The following CR2 variants were observed in gnomAD, a reference collection of about 807,000 sequenced individuals.
CR2 encodes complement C3d receptor 2, also known as complement receptor type 2.
In CR2, 96 loss-of-function variants were observed where a neutral mutation model predicts 123.0. That is an observed-to-expected ratio of 0.78 (90% CI 0.66 to 0.93). The LOEUF is 0.93. Among genes scored for constraint, CR2 ranks in the 40% least tolerant of loss-of-function variants. CR2 has a pLI of 0.00. For synonymous variants in CR2, 484 were observed against 469.5 expected (o/e 1.03, Z -0.40); for missense variants, 1,258 against 1,361.0 (o/e 0.92, Z 1.19).
intron 1 of CR2, among the ~76,000 whole-genome samples, chr1:207,460,445 G>C (rs1392285000): frequency 6.6e-6 from 1 of 152,166 alleles, no homozygotes; most frequent in Admixed American, 6.5e-5. Flanking sequence ...CCTTGTGTCA[G>C]TTCATCCATG....
chr1:207,479,642 T>G (rs1475445), intron 17 of CR2, among the ~76,000 whole-genome samples: 4,874 of 152,324 alleles, frequency 0.032, 269 homozygotes, highest in African/African-American at 0.11. Flanking sequence ...CCTGGTGTCC[T>G]GTGCACCTAA....
chr1:207,468,968 C>T (rs776916652), intron 4 of CR2, 69 bp downstream of exon 4: 47 of 1,536,996 alleles, frequency 3.1e-5, no homozygotes, highest in Admixed American at 2.4e-4. Context: ...GACTGTGAAA[C>T]CTGCAGAAGT....
intron 18 of CR2, among the ~76,000 whole-genome samples, chr1:207,484,170 AAAATTTGC>A (rs1396880802): frequency 6.6e-6 from 1 of 152,188 alleles, no homozygotes; most frequent in African/African-American, 2.4e-5. Flanking sequence ...CATGTGTATA[AAAATTTGC>A]AAATTTGGGG....
intron 9 of CR2, 125 bp from the exon 10 acceptor site, chr1:207,472,647 A>C (rs1658312918): frequency 2.2e-6 from 2 of 912,662 alleles, no homozygotes; most frequent in Admixed American, 2.2e-5. Flanking sequence ...CACAACTCAC[A>C]TCATGAAAAT....
In CR2 at chr1:207,478,015, G is replaced by C. The variant is rs200182370; in HGVS notation, c.3033G>C (p.Gln1011His). The C allele has an allele frequency of 5.1e-4, 831 of 1,614,088 alleles. 8 individuals are homozygous for C. The highest frequency in any genetic ancestry group is 4.1e-3 in the South Asian group (375 of 91,078). Reference protein sequence around the residue: ...EDGYMLEGSPQSQCQSDHQWN... With the variant: ...EDGYMLEGSPHSQCQSDHQWN... ...GGTATATGCTGGAAGGCAGTCCCCA[G>C]AGCCAGTGCCAATCGGATCACCAAT... is the stretch of plus-strand genomic sequence containing the variant. Residue 1011 changes from glutamine (Q) to histidine (H), a missense_variant, in exon 16 of 20, where the codon CAG becomes CAC. By Grantham distance (24) the Gln-to-His change is conservative. Transcript: ENST00000367057.
intron 18 of CR2, among the ~76,000 whole-genome samples, chr1:207,484,442 T>C (rs1448538949): frequency 1.3e-5 from 2 of 152,356 alleles, no homozygotes; most frequent in East Asian, 3.9e-4. Context: ...AAAATGAATG[T>C]CTAGTGACAA....
chr1:207,476,246 G>A lies in CR2; in HGVS notation c.2729G>A (p.Cys910Tyr). 1.9e-6 allele frequency: 3 copies of A among 1,613,728 alleles called. No individual in the cohort carries two copies. The highest frequency in any genetic ancestry group is 2.5e-6 in the Non-Finnish European group (3 of 1,179,786). The change falls in exon 15 of 20, where the codon TGT (cysteine) becomes TAT (tyrosine). Residue 910 changes from cysteine (C) to tyrosine (Y), a missense_variant. Coordinates refer to ENST00000367057, the MANE Select transcript of CR2 (RefSeq NM_001006658.3). ...PTCIKKAFIG[C>Y]PPPPKTPNGN... ...ATTGGTGTCTAAGCCTTCATAGGGT[G>A]TCCACCTCCGCCTAAGACCCCTAAC...
rs1658105084 is a variant in CR2, at chr1:207,466,589, T to C, written c.122T>C (p.Ile41Thr). Residue 41 changes from isoleucine (I) to threonine (T), a missense_variant, in exon 2 of 20, where the codon ATT (isoleucine) becomes ACT (threonine). Ile to Thr is a moderately conservative substitution (Grantham distance 89, BLOSUM62 -1). Transcript: ENST00000367057. The part of the protein sequence containing the change: ...NGRISYYSTP[I>T]AVGTVIRYSC... Reference sequence around the variant, plus strand: ...CGGATTAGTTATTATTCTACCCCCATTGCTGTTGGTACCGTGATAAGGTAC... The same window carrying C: ...CGGATTAGTTATTATTCTACCCCCACTGCTGTTGGTACCGTGATAAGGTAC... The C allele has an allele frequency of 5.6e-6, 9 of 1,614,132 alleles. No homozygotes were observed. In the East Asian group the frequency reaches 8.9e-5, roughly 16 times the overall value.
chr1:207,479,939 G>A (rs755277005), intron 17 of CR2, 39 bp from the exon 18 acceptor site: 8 of 1,470,066 alleles, frequency 5.4e-6, no homozygotes, highest in Non-Finnish European at 7.6e-6. Flanking sequence ...GTAGGTGATC[G>A]TCTTCTGGCA....
chr1:207,463,278 A>G (rs527376015), intron 1 of CR2, among the ~76,000 whole-genome samples: 1 of 152,208 alleles, frequency 6.6e-6, no homozygotes, highest in Non-Finnish European at 1.5e-5. Flanking sequence ...GGATACCAGA[A>G]CAGCAGTTCC....
chr1:207,480,461 T>G (rs975873270), intron 18 of CR2, among the ~76,000 whole-genome samples: 2 of 152,160 alleles, frequency 1.3e-5, no homozygotes, highest in Non-Finnish European at 2.9e-5. Flanking sequence ...TTAAGTCATG[T>G]TTTCAGTTAC....
intron 1 of CR2, among the ~76,000 whole-genome samples, chr1:207,463,264 A>G (rs144285030): frequency 1.3e-5 from 2 of 152,324 alleles, no homozygotes; most frequent in East Asian, 3.9e-4. Context: ...GTTCCTGGGT[A>G]CATGGATACC....
intron 18 of CR2, among the ~76,000 whole-genome samples, chr1:207,484,237 T>C (rs769589001): frequency 6.6e-6 from 1 of 152,222 alleles, no homozygotes; most frequent in Non-Finnish European, 1.5e-5. Context: ...TAATTATTGT[T>C]TATTAATATG....
intron 1 of CR2, 59 bp from the exon 2 acceptor site, chr1:207,466,467 A>G (rs1658100539): frequency 6.3e-7 from 1 of 1,588,196 alleles, no homozygotes; most frequent in Non-Finnish European, 8.6e-7. Context: ...TTTTACCTAC[A>G]TTTGAATATT....
Position 207,466,699 on chromosome 1 carries a change from C to T in CR2, c.232C>T (p.Pro78Ser). 6.2e-7 allele frequency: 1 copy of T among 1,614,092 alleles called. No individual in the cohort carries two copies. Among genetic ancestry groups the T allele is most frequent in the Non-Finnish European group, 8.5e-7 (1 of 1,179,982 alleles). The change falls in exon 2 of 20, where the codon CCT becomes TCT. Residue 78 changes from proline (P) to serine (S), a missense_variant. Transcript: ENST00000367057. ...CAAAGTGGATGGAACCTGGGATAAACCTGCTCCTAAATGTGAATATTTCAA... is the reference window on the plus strand; with the variant it reads ...CAAAGTGGATGGAACCTGGGATAAATCTGCTCCTAAATGTGAATATTTCAA... The part of the protein sequence containing the change: ...KDKVDGTWDK[P>S]APKCEYFNKY...
At chr1:207,474,157 T>C (rs756528908) in intron 12 of CR2, 84 bp from the exon 13 acceptor site, 255 of 1,187,444 alleles carry the variant, frequency 2.1e-4, no homozygotes, top group Non-Finnish European at 2.8e-4. Flanking sequence ...GCCAAAGTTC[T>C]TATTTAGAAG....
chr1:207,484,619 G>C (rs963079742), intron 18 of CR2, among the ~76,000 whole-genome samples: 1 of 152,178 alleles, frequency 6.6e-6, no homozygotes, highest in African/African-American at 2.4e-5. Flanking sequence ...CAATATTCTA[G>C]TGAGTGACAT....
chr1:207,455,008 T>C (rs1400049465), intron 1 of CR2: 1 of 153,706 alleles, frequency 6.5e-6, no homozygotes, highest in Admixed American at 6.4e-5. Flanking sequence ...TCTAATGTGA[T>C]ATTGGTAGAG....
rs1249162669 is a variant in CR2 at position 207,454,663 on chromosome 1, T to G, written c.58+187T>G. On this transcript the variant is annotated intron_variant, in intron 1 of 19. Coordinates refer to ENST00000367057, the MANE Select transcript of CR2 (RefSeq NM_001006658.3). This position sits in a 1 kb window ranked among gnomAD's most constrained non-coding sequence, Gnocchi z 4.3. ...GGTCCTGATTGTCCCCACTGGCCCC[T>G]CCGGGAGCTGGGACCTCCAGAATTG... 4 of 527,860 alleles carry G rather than the reference T, an allele frequency of 7.6e-6. No homozygotes were observed. Among genetic ancestry groups the G allele is most frequent in the Non-Finnish European group, 1.3e-5 (4 of 301,900 alleles). 32.7% of individuals were successfully genotyped at this position (527,860 alleles called of 1,614,324 possible). A position where few individuals can be genotyped will look rare whatever the true frequency, so the allele number is the denominator to read the frequency against.
Sources: gnomAD v4.1 joint callset for allele counts (sites outside exome capture counted in the v4.1 genomes callset) on GRCh38, gnomAD v4.1.1 for gene constraint, Gnocchi (gnomAD v3.1) non-coding constraint, MANE v1.5 for transcripts, NCBI Gene and HGNC (gene_info 2026-07-23, HGNC 2026-07-21) for gene names.